The following SLC9A9 variants were observed in gnomAD, a reference collection of about 807,000 sequenced individuals.
The protein encoded by SLC9A9 is solute carrier family 9 member A9, also known as sodium/hydrogen exchanger 9.
In SLC9A9, 62 loss-of-function variants were observed where a neutral mutation model predicts 77.8. The ratio of observed to expected loss-of-function variants is 0.80; its 90% CI spans 0.65 to 0.98. The LOEUF is 0.98. SLC9A9 is among the 50% of genes least tolerant of loss of function. The pLI, the probability that SLC9A9 is intolerant of heterozygous loss-of-function variation, is 0.00. For synonymous variants in SLC9A9, 320 were observed against 283.5 expected (o/e 1.13, Z -1.29); for missense variants, 775 against 774.9 (o/e 1.00, Z 0.00).
At chr3:143,782,034 C>T (rs1264227556) in intron 4 of SLC9A9, among the ~76,000 whole-genome samples, 1 of 152,232 alleles carries the variant, frequency 6.6e-6, no homozygotes. Flanking sequence ...GGACATTTCT[C>T]ACTGTGATGG....
chr3:143,327,014 A>C (rs2031626100), intron 14 of SLC9A9, among the ~76,000 whole-genome samples: 1 of 152,232 alleles, frequency 6.6e-6, no homozygotes, highest in South Asian at 2.1e-4. Flanking sequence ...ATACACTCAA[A>C]GATAAGCCTT....
intron 4 of SLC9A9, 81 bp from the exon 5 acceptor site, chr3:143,693,388 G>A: frequency 8.7e-7 from 1 of 1,148,260 alleles, no homozygotes; most frequent in Non-Finnish European, 1.3e-6. Context: ...ACATGCTAAT[G>A]TTTTTCCTGA....
At chr3:143,452,753 C>T (rs944660400) in intron 12 of SLC9A9, among the ~76,000 whole-genome samples, 14 of 151,320 alleles carry the variant, frequency 9.3e-5, no homozygotes, top group Middle Eastern at 3.4e-3. Context: ...GGTGCAATAA[C>T]GGTACTTTGG....
intron 12 of SLC9A9, among the ~76,000 whole-genome samples, chr3:143,395,658 G>T (rs570157462): frequency 6.6e-6 from 1 of 152,256 alleles, no homozygotes; most frequent in Non-Finnish European, 1.5e-5. Context: ...AGAGTGAACA[G>T]GCAACCTACA....
At chr3:143,750,698 T>C (rs898797694) in intron 4 of SLC9A9, among the ~76,000 whole-genome samples, 1 of 149,534 alleles carries the variant, frequency 6.7e-6, no homozygotes, top group Non-Finnish European at 1.5e-5. Flanking sequence ...GGGAAGAGGG[T>C]ACAGAGTAAA....
chr3:143,518,210 T>C, intron 9 of SLC9A9: 1 of 1,598,210 alleles, frequency 6.3e-7, no homozygotes, highest in Non-Finnish European at 8.5e-7. Flanking sequence ...CCGAAGCTTG[T>C]TCACTTTGCG....
intron 5 of SLC9A9, among the ~76,000 whole-genome samples, chr3:143,687,989 C>T (rs1424948299): frequency 6.6e-6 from 1 of 151,456 alleles, no homozygotes; most frequent in Non-Finnish European, 1.5e-5. Flanking sequence ...TCCCTCTCTT[C>T]CTTCCCTCCT....
intron 4 of SLC9A9, among the ~76,000 whole-genome samples, chr3:143,708,673 G>A (rs1287613025): frequency 6.6e-6 from 1 of 152,116 alleles, no homozygotes; most frequent in East Asian, 1.9e-4. Flanking sequence ...AACCTTAGAA[G>A]ATGATTCTCA....
chr3:143,626,190 T>C lies in SLC9A9; in HGVS notation c.755+26065A>G, dbSNP rs558939435. Among the ~76,000 whole-genome samples, 4 of 152,346 alleles carry C rather than the reference T, an allele frequency of 2.6e-5. No individual in the cohort carries two copies. The East Asian group carries it at 5.8e-4, about 22-fold the overall frequency. ...GTGGGACTGTAAACTAGTTCAACCA[T>C]TGTGGAAGTCAGTGTGGCGATTCCT... On this transcript the variant is annotated intron_variant, in intron 6 of 15. Coordinates refer to ENST00000316549, the MANE Select transcript of SLC9A9 (RefSeq NM_173653.4).
At chr3:143,424,252 A>AT (rs1354964635) in intron 12 of SLC9A9, among the ~76,000 whole-genome samples, 3 of 147,892 alleles carry the variant, frequency 2.0e-5, no homozygotes, top group Non-Finnish European at 3.0e-5. Flanking sequence ...CAAGAAAAAA[A>AT]GGACATTATA....
chr3:143,704,766 G>T (rs1002689798), intron 4 of SLC9A9, among the ~76,000 whole-genome samples: 1 of 152,062 alleles, frequency 6.6e-6, no homozygotes, highest in South Asian at 2.1e-4. Context: ...GCCAAGGTGG[G>T]CAGATCACCT....
chr3:143,549,439 A>C (rs755895437), intron 9 of SLC9A9, among the ~76,000 whole-genome samples: 1 of 152,248 alleles, frequency 6.6e-6, no homozygotes, highest in Non-Finnish European at 1.5e-5. Context: ...TAGAAAAGAA[A>C]TGAAGAAAGG....
rs544266363 is a variant in SLC9A9, at chr3:143,626,239, A to C, written c.755+26016T>G. Among the ~76,000 whole-genome samples, 144 of 152,306 alleles carry C rather than the reference A, an allele frequency of 9.5e-4. 1 individual carries two copies. The highest frequency in any genetic ancestry group is 3.4e-3 in the African/African-American group (140 of 41,560). ...CTCAGGGATCTAGAACTAGAAATAC[A>C]ATTTGACCCTGCAATCCCATTACTG... On this transcript the variant is annotated intron_variant, in intron 6 of 15. Transcript: ENST00000316549.
At chr3:143,570,972 C>G (rs1367198620) in intron 8 of SLC9A9, among the ~76,000 whole-genome samples, 1 of 152,104 alleles carries the variant, frequency 6.6e-6, no homozygotes, top group African/African-American at 2.4e-5. Context: ...TATTTAAAAA[C>G]AGATGTGCTT....
chr3:143,488,097 A>G (rs75865052), intron 11 of SLC9A9, among the ~76,000 whole-genome samples: 1 of 151,858 alleles, frequency 6.6e-6, no homozygotes, highest in Non-Finnish European at 1.5e-5. Context: ...TTAGAGAATA[A>G]CAAGAATAAG....
intron 9 of SLC9A9, among the ~76,000 whole-genome samples, chr3:143,511,077 T>C (rs1467640958): frequency 3.3e-5 from 5 of 152,168 alleles, no homozygotes; most frequent in Non-Finnish European, 7.3e-5. Context: ...GTGCAGAAGA[T>C]CGAGAAAAGA....
chr3:143,638,290 A>G (rs2038559139), intron 6 of SLC9A9, among the ~76,000 whole-genome samples: 1 of 152,238 alleles, frequency 6.6e-6, no homozygotes, highest in Non-Finnish European at 1.5e-5. Flanking sequence ...AAAATAAGCC[A>G]TTTGGCACAG....
intron 2 of SLC9A9, among the ~76,000 whole-genome samples, chr3:143,810,335 A>G (rs149850894): frequency 1.3e-5 from 2 of 152,230 alleles, no homozygotes; most frequent in South Asian, 2.1e-4. Flanking sequence ...CTTATCTGGG[A>G]AGAAATATCA....
intron 9 of SLC9A9, among the ~76,000 whole-genome samples, chr3:143,542,476 T>A (rs867571425): frequency 6.6e-6 from 1 of 152,182 alleles, no homozygotes; most frequent in African/African-American, 2.4e-5. Flanking sequence ...AACAGGTAAC[T>A]GGGATGGAAA....
Sources: gnomAD v4.1 joint callset for allele counts (sites outside exome capture counted in the v4.1 genomes callset) on GRCh38, gnomAD v4.1.1 for gene constraint, MANE v1.5 for transcripts, NCBI Gene and HGNC (gene_info 2026-07-23, HGNC 2026-07-21) for gene names.